The following DHPS variants were observed in gnomAD, a reference collection of about 807,000 sequenced individuals.
DHPS encodes the protein deoxyhypusine synthase, also known as migration-inducing gene 13.
DHPS carries 24 observed loss-of-function variants against 38.7 expected under a neutral mutation model. That is an observed-to-expected ratio of 0.62 (90% CI 0.45 to 0.87). The LOEUF (loss-of-function observed/expected upper bound fraction) is 0.87, where lower values mean the gene tolerates loss of function less well. DHPS is among the 40% of genes least tolerant of loss of function. DHPS has a pLI of 0.00. For synonymous variants in DHPS, 250 were observed against 204.4 expected (o/e 1.22, Z -1.90); for missense variants, 510 against 497.6 (o/e 1.02, Z -0.24).
rs776374626 is a variant in DHPS at position 12,680,216 on chromosome 19, T to C, written c.317A>G (p.Asn106Ser). The C allele has an allele frequency of 8.7e-6, 14 of 1,614,042 alleles. No homozygotes were observed. The highest frequency in any genetic ancestry group is 3.3e-5 in the South Asian group (3 of 91,092). The change falls in exon 2 of 9, where the codon AAC becomes AGC. Residue 106 changes from asparagine to serine, a missense_variant. Asn to Ser is a conservative substitution (Grantham distance 46). Coordinates refer to ENST00000210060, the MANE Select transcript of DHPS (RefSeq NM_001930.4). ...SCTIFLGYTSNLISSGIRETI... is the reference protein window; with the variant it reads ...SCTIFLGYTSSLISSGIRETI... ...CTCACGGATGCCTGAACTGATGAGG[T>C]TGGATGTATATCCCAGGAAAATGGT...
chr19:12,680,397 G>C, intron 1 of DHPS, 72 bp from the exon 2 acceptor site: 1 of 1,558,676 alleles, frequency 6.4e-7, no homozygotes, highest in Non-Finnish European at 8.8e-7. Flanking sequence ...GTGGGCTCCA[G>C]AAACAGATTT....
downstream of DHPS, chr19:12,672,833 A>C (rs1385733917): frequency 1.9e-6 from 3 of 1,571,254 alleles, no homozygotes; most frequent in East Asian, 7.0e-5. Context: ...CGCTGGATCT[A>C]CCCTCTCCTG....
At chr19:12,677,495 A>G in intron 5 of DHPS, 99 bp from the exon 6 acceptor site, 5 of 963,336 alleles carry the variant, frequency 5.2e-6, no homozygotes, top group South Asian at 4.6e-5. Flanking sequence ...TAATTTCTCT[A>G]GGACTGTTTC....
At chr19:12,679,337 C>T (rs978200042) in intron 5 of DHPS, 120 bp downstream of exon 5, 6 of 954,910 alleles carry the variant, frequency 6.3e-6, no homozygotes, top group Non-Finnish European at 8.3e-6. Flanking sequence ...GTGTTTGAGT[C>T]TCCTCATCTA....
At chr19:12,677,478 G>T in intron 5 of DHPS, 82 bp from the exon 6 acceptor site, 1 of 1,201,520 alleles carries the variant, frequency 8.3e-7, no homozygotes. Context: ...ACTGTGGATG[G>T]GGTGCCTAAT....
intron 4 of DHPS, 22 bp from the exon 5 acceptor site, chr19:12,679,565 A>T: frequency 6.2e-7 from 1 of 1,614,096 alleles, no homozygotes; most frequent in South Asian, 1.1e-5. Context: ...TGTGACCTTC[A>T]GGCCATGCCT....
chr19:12,675,799 A>C lies in DHPS; in HGVS notation c.*39T>G, dbSNP rs1216444353. 2 of 1,569,878 alleles carry C rather than the reference A, an allele frequency of 1.3e-6. No individual in the cohort carries two copies. Among genetic ancestry groups the C allele is most frequent in the Non-Finnish European group, 1.7e-6 (2 of 1,155,696 alleles). ...AGGGGCTGGGTCTGCAAATTAATAA[A>C]TAGAAGAGGGGGTAAGACCTTCCTG... On this transcript the variant is annotated 3_prime_UTR_variant, in exon 9 of 9. Transcript: ENST00000210060.
chr19:12,676,318 G>C (rs1394513881), intron 7 of DHPS, 176 bp from the exon 8 acceptor site: 10 of 792,458 alleles, frequency 1.3e-5, no homozygotes, highest in Non-Finnish European at 1.9e-5. Context: ...AGAGCTGCTG[G>C]GCAACGATGG....
chr19:12,677,139 A>G lies in DHPS; in HGVS notation c.857T>C (p.Val286Ala), dbSNP rs748558868. The G allele has an allele frequency of 2.5e-6, 4 of 1,614,124 alleles. No homozygotes were observed. Among genetic ancestry groups the G allele is most frequent in the Non-Finnish European group, 3.4e-6 (4 of 1,180,024 alleles). ...TGMIILGGGV[V>A]KHHIANANLM... ...GTTGGCATTGGCAATGTGGTGCTTG[A>G]CCACGCCCCCGCCCAGAATGATCAT... Residue 286 changes from valine to alanine, a missense_variant, in exon 7 of 9, where the codon GTC becomes GCC. Val to Ala is a moderately conservative substitution (Grantham distance 64, BLOSUM62 0). Transcript: ENST00000210060.
At chr19:12,680,831 GC>G (rs1200422650) in intron 1 of DHPS, among the ~76,000 whole-genome samples, 1 of 132,744 alleles carries the variant, frequency 7.5e-6, no homozygotes, top group Non-Finnish European at 1.5e-5. Flanking sequence ...ACCGTGCCCG[GC>G]CTTTTTTTTT....
At chr19:12,675,974 T>A (rs2024570091) in intron 8 of DHPS, 41 bp from the exon 9 acceptor site, 1 of 1,606,356 alleles carries the variant, frequency 6.2e-7, no homozygotes, top group Non-Finnish European at 8.5e-7. Flanking sequence ...GGACCCACAC[T>A]CATCGTCCCA....
chr19:12,681,376 A>G (rs1235385011), intron 1 of DHPS, 184 bp downstream of exon 1: 2 of 979,998 alleles, frequency 2.0e-6, no homozygotes, highest in East Asian at 2.6e-5. Context: ...TAACTACCAG[A>G]GTGCAAAATC....
intron 1 of DHPS, 186 bp downstream of exon 1, chr19:12,681,370 TACCA>T (rs1568320691): frequency 1.0e-6 from 1 of 978,256 alleles, no homozygotes; most frequent in Non-Finnish European, 1.5e-6. Context: ...AGCATGTAAC[TACCA>T]GAGTGCAAAA....
chr19:12,675,271 A>T (rs2024539950), downstream of DHPS, among the ~76,000 whole-genome samples: 1 of 152,182 alleles, frequency 6.6e-6, no homozygotes, highest in African/African-American at 2.4e-5. Flanking sequence ...TGCTATTTTA[A>T]AAAATAAAAA....
Position 12,681,634 on chromosome 19 carries a change from G to C in DHPS, c.133C>G (p.Leu45Val). ...CCGGTGGTGCCGAAGGCCTCCAGCA[G>C]TGCGCGGTAATTCACACCGCGGTTG... Reference protein sequence around the residue: ...DFNRGVNYRALLEAFGTTGFQ... With the variant: ...DFNRGVNYRAVLEAFGTTGFQ... The change falls in exon 1 of 9, where the codon CTG (leucine) becomes GTG (valine). Residue 45 changes from leucine to valine, a missense_variant. By Grantham distance (32) the Leu-to-Val change is conservative. Coordinates refer to ENST00000210060, the MANE Select transcript of DHPS (RefSeq NM_001930.4). 1 of 1,614,236 alleles carries C rather than the reference G, an allele frequency of 6.2e-7. No homozygotes were observed. Among genetic ancestry groups the C allele is most frequent in the Non-Finnish European group, 8.5e-7 (1 of 1,180,044 alleles).
chr19:12,680,008 G>A (rs1189149825), intron 2 of DHPS, 86 bp from the exon 3 acceptor site: 1 of 1,562,944 alleles, frequency 6.4e-7, no homozygotes, highest in South Asian at 1.2e-5. Context: ...TCCTTGTCCA[G>A]TGACTCTTAT....
chr19:12,676,159 G>A lies in DHPS; in HGVS notation c.889-17C>T. On this transcript the variant is annotated splice_polypyrimidine_tract_variant and intron_variant, in intron 7 of 8. Coordinates refer to ENST00000210060, the MANE Select transcript of DHPS (RefSeq NM_001930.4). The stretch of plus-strand genomic sequence containing the variant: ...CCCGTTCCGCTGTGGGGAGGCGGGG[G>A]CACGGTGGGCCCAGTCAGCCAGTCA... 6.3e-7 allele frequency: 1 copy of A among 1,593,954 alleles called. No individual in the cohort carries two copies. Among genetic ancestry groups the A allele is most frequent in the South Asian group, 1.1e-5 (1 of 89,766 alleles).
Position 12,677,114 on chromosome 19 carries a change from G to A in DHPS, c.882C>T (p.Asn294=). 1.2e-6 allele frequency: 2 copies of A among 1,614,170 alleles called. No homozygotes were observed. The highest frequency in any genetic ancestry group is 1.7e-6 in the Non-Finnish European group (2 of 1,180,006). Reference sequence around the variant, plus strand: ...AAGCGCCACCCCCACTCACCATGAGGTTGGCATTGGCAATGTGGTGCTTGA... The same window carrying A: ...AAGCGCCACCCCCACTCACCATGAGATTGGCATTGGCAATGTGGTGCTTGA... The part of the protein sequence containing the change: ...GVVKHHIANA[N]LMRNGADYAV... The change falls in exon 7 of 9, where the codon AAC becomes AAT. Residue 294 remains asparagine (N), a synonymous_variant. Transcript: ENST00000210060.
At chr19:12,679,947 G>C (rs753462254) in intron 2 of DHPS, 25 bp from the exon 3 acceptor site, 1 of 1,601,964 alleles carries the variant, frequency 6.2e-7, no homozygotes, top group Non-Finnish European at 8.5e-7. Context: ...CAGTGAATTT[G>C]GCCCAAGAAG....
Sources: allele counts gnomAD v4.1 joint callset (sites outside exome capture counted in the v4.1 genomes callset), GRCh38; gene constraint gnomAD v4.1.1; transcripts MANE v1.5; gene names NCBI Gene and HGNC (gene_info 2026-07-23, HGNC 2026-07-21).